ASMT: variants seen among roughly 807,000 people sequenced by gnomAD.
ASMT encodes acetylserotonin O-methyltransferase, also known as acetylserotonin N-methyltransferase.
A neutral mutation model predicts 41.3 loss-of-function variants in ASMT; 53 were observed. The observed-to-expected ratio is 1.28, with a 90% CI of 1.03 to 1.61. ASMT has a LOEUF of 1.61. Among genes scored for constraint, ASMT ranks in the 40% most tolerant of loss-of-function variants. The probability of loss-of-function intolerance (pLI) is 0.00; values close to 1 mark genes in which losing one functional copy is unlikely to be tolerated. For synonymous variants in ASMT, 231 were observed against 184.8 expected (o/e 1.25, Z -2.03); for missense variants, 531 against 441.3 (o/e 1.20, Z -1.82).
intron 1 of ASMT, 54 bp downstream of exon 1, chrX:1,615,322 C>G: frequency 3.6e-5 from 53 of 1,466,092 alleles, no homozygotes; most frequent in Non-Finnish European, 5.0e-5. Context: ...ATCACACTCA[C>G]GTTCCATTGT....
At chrX:1,636,631 A>G in intron 8 of ASMT, 71 bp downstream of exon 8, 1 of 1,611,750 alleles carries the variant, frequency 6.2e-7, no homozygotes, top group Non-Finnish European at 8.5e-7. Context: ...CACATTTAGA[A>G]GGCAGGCACT....
intron 8 of ASMT, 63 bp downstream of exon 8, chrX:1,636,623 C>A (rs1329991189): frequency 6.8e-5 from 110 of 1,612,420 alleles, no homozygotes; most frequent in Non-Finnish European, 9.1e-5. Flanking sequence ...GTACGAGTCA[C>A]ATTTAGAAGG....
intron 5 of ASMT, among the ~76,000 whole-genome samples, chrX:1,632,427 G>A (rs1160606868): frequency 3.9e-5 from 6 of 152,130 alleles, no homozygotes; most frequent in Non-Finnish European, 5.9e-5. Flanking sequence ...CGAGATGGGC[G>A]GATCACGAGG....
At chrX:1,619,317 C>A (rs776746911) in intron 1 of ASMT, among the ~76,000 whole-genome samples, 110 of 150,902 alleles carry the variant, frequency 7.3e-4, no homozygotes, top group African/African-American at 2.3e-3. Context: ...TGGCGTGAAC[C>A]CGGGAGGTGG....
Position 1,615,193 on chromosome X carries a change from A to G in ASMT, c.-7A>G, listed in dbSNP as rs776983454. On this transcript the variant is annotated 5_prime_UTR_variant, in exon 1 of 9. Coordinates refer to ENST00000381241, the MANE Select transcript of ASMT (RefSeq NM_001171038.2). ...GCTCCGGAAGCCACGGCTGGATTGG[A>G]GACAAGATGGGATCCTCAGAGGACC... 1 of 1,588,982 alleles carries G rather than the reference A, an allele frequency of 6.3e-7. No individual in the cohort carries two copies. Among genetic ancestry groups the G allele is most frequent in the Middle Eastern group, 1.7e-4 (1 of 6,028 alleles).
chrX:1,619,317 C>T (rs776746911), intron 1 of ASMT, among the ~76,000 whole-genome samples: 32 of 150,792 alleles, frequency 2.1e-4, no homozygotes, highest in Non-Finnish European at 4.0e-4. Context: ...TGGCGTGAAC[C>T]CGGGAGGTGG....
At chrX:1,626,512 G>A (rs763121734) in intron 3 of ASMT, among the ~76,000 whole-genome samples, 6 of 152,050 alleles carry the variant, frequency 3.9e-5, no homozygotes, top group Middle Eastern at 6.3e-3. Flanking sequence ...AGGATTATAG[G>A]TGTGAGCCAC....
In ASMT at chrX:1,640,668, ATC is replaced by A. The variant is rs1935115866; in HGVS notation, c.911-2134_911-2133del. On this transcript the variant is annotated intron_variant, in intron 8 of 8. Transcript: ENST00000381241. ...CCTGTGAGGTCCATCCATCCTGATG[ATC>A]CATGAGGATGTGGACACAGCCTCTG... is the stretch of plus-strand genomic sequence containing the variant. Among the ~76,000 whole-genome samples the A allele has an allele frequency of 6.4e-3, 3 of 470 alleles. 1 individual carries two copies. Among genetic ancestry groups the A allele is most frequent in the East Asian group, 1 (2 of 2 alleles). The allele number at this position is 470 out of a possible 152,430, so 0.3% of individuals were successfully genotyped here.
intron 7 of ASMT, among the ~76,000 whole-genome samples, chrX:1,635,276 G>T (rs7881098): frequency 2.6e-5 from 4 of 151,640 alleles, no homozygotes; most frequent in Admixed American, 2.6e-4. Flanking sequence ...GAGCCACCGC[G>T]CCTGGCCTGA....
rs773761172 is a variant in ASMT at position 1,636,427 on chromosome X, C to G, written c.788-11C>G. On this transcript the variant is annotated splice_polypyrimidine_tract_variant and intron_variant, in intron 7 of 8. Transcript: ENST00000381241. Reference sequence around the variant, plus strand: ...GCAGGCTGACCTCGGTGTGCCTGCCCTGTGTTCCAGGGGATTTCTTCAAAG... The same window carrying G: ...GCAGGCTGACCTCGGTGTGCCTGCCGTGTGTTCCAGGGGATTTCTTCAAAG... 3.1e-6 allele frequency: 5 copies of G among 1,613,866 alleles called. No individual in the cohort carries two copies. The highest frequency in any genetic ancestry group is 2.2e-5 in the East Asian group (1 of 44,882).
At position 1,633,290 on chromosome X, in the gene ASMT, G is replaced by T; in HGVS notation, c.787G>T (p.Gly263Trp). 6.2e-7 allele frequency: 1 copy of T among 1,613,898 alleles called. No homozygotes were observed. The highest frequency in any genetic ancestry group is 8.5e-7 in the Non-Finnish European group (1 of 1,179,852). ...QEEEQIDFQE[G>W]DFFKDPLPEA... ...GGAAGAACAGATTGACTTCCAGGAA[G>T]GTGTGTTTGTGTCCGTGGGGAAGCA... The change falls in exon 7 of 9, where the codon GGG becomes TGG. Residue 263 changes from glycine to tryptophan, a missense_variant and splice_region_variant. Physicochemically the swap from Gly to Trp is radical, Grantham distance 184. Coordinates refer to ENST00000381241, the MANE Select transcript of ASMT (RefSeq NM_001171038.2).
At chrX:1,628,944 T>G (rs56110412) in intron 4 of ASMT, among the ~76,000 whole-genome samples, 3 of 145,732 alleles carry the variant, frequency 2.1e-5, no homozygotes, top group South Asian at 4.3e-4. Flanking sequence ...CTCTCTCTCT[T>G]TCTTTCTTTC....
chrX:1,616,861 A>G (rs780131413), intron 1 of ASMT, among the ~76,000 whole-genome samples: 20 of 151,550 alleles, frequency 1.3e-4, no homozygotes, highest in African/African-American at 4.3e-4. Context: ...GGCACCCGCC[A>G]CCACGCCCGG....
chrX:1,619,606 G>GA (rs777099089), intron 1 of ASMT, among the ~76,000 whole-genome samples: 3,098 of 135,518 alleles, frequency 0.023, 87 homozygotes, highest in East Asian at 0.095. Flanking sequence ...TTTGGGAGCA[G>GA]AAAAAAAAAA....
At chrX:1,627,617 A>G in intron 3 of ASMT, 86 bp from the exon 4 acceptor site, 8 of 1,244,524 alleles carry the variant, frequency 6.4e-6, no homozygotes, top group Non-Finnish European at 9.3e-6. Context: ...CTGAAATGAA[A>G]TGAAACGAAA....
intron 7 of ASMT, among the ~76,000 whole-genome samples, chrX:1,633,541 T>G (rs1934853790): frequency 6.6e-6 from 1 of 152,010 alleles, no homozygotes; most frequent in Non-Finnish European, 1.5e-5. Flanking sequence ...AGTGGTGCAG[T>G]CTCGGCTCAC....
At chrX:1,630,586 C>T (rs1318844554) in intron 5 of ASMT, among the ~76,000 whole-genome samples, 2 of 151,740 alleles carry the variant, frequency 1.3e-5, no homozygotes, top group African/African-American at 2.4e-5. Context: ...GAGAGAGGGT[C>T]CTGTTTGTCA....
At chrX:1,620,600 C>G (rs1934303223) in intron 1 of ASMT, among the ~76,000 whole-genome samples, 4 of 152,042 alleles carry the variant, frequency 2.6e-5, no homozygotes, top group African/African-American at 7.2e-5. Context: ...AAAGCTAATA[C>G]CACTTGAATA....
chrX:1,630,047 G>A (rs1302369289), intron 5 of ASMT, 108 bp downstream of exon 5: 56 of 1,017,234 alleles, frequency 5.5e-5, no homozygotes, highest in South Asian at 2.9e-4. Flanking sequence ...TGACATGTGC[G>A]GCCTTACTGG....
Sources: allele counts gnomAD v4.1 joint callset (sites outside exome capture counted in the v4.1 genomes callset), GRCh38; gene constraint gnomAD v4.1.1; transcripts MANE v1.5; gene names NCBI Gene and HGNC (gene_info 2026-07-23, HGNC 2026-07-21).